The following SLF2 variants were observed in gnomAD, a reference collection of about 807,000 sequenced individuals.
SLF2 encodes SMC5/6 complex localization factor 2, also known as SMC5-SMC6 complex localization factor protein 2.
SLF2 carries 68 observed loss-of-function variants against 124.3 expected under a neutral mutation model. The ratio of observed to expected loss-of-function variants is 0.55; its 90% CI spans 0.45 to 0.67. SLF2 has a LOEUF of 0.67. SLF2 is among the 30% of genes least tolerant of loss of function. The pLI is 0.00. For missense variants in SLF2, 1,246 were observed against 1,373.7 expected (o/e 0.91, Z 1.47); for synonymous variants, 480 against 478.8 (o/e 1.00, Z -0.03).
In SLF2 at chr10:100,917,066, G is replaced by A. The variant is rs778393400; in HGVS notation, c.681G>A (p.Pro227=). The A allele has an allele frequency of 5.1e-5, 82 of 1,613,972 alleles. No individual in the cohort carries two copies. Among genetic ancestry groups the A allele is most frequent in the Middle Eastern group, 1.6e-4 (1 of 6,084 alleles). ...SSRSSLSRHH[P]EESPLGAKFQ... Reference sequence around the variant, plus strand: ...GGAGCAGCCTGTCCAGGCACCACCCGGAAGAAAGCCCACTGGGAGCTAAAT... The same window carrying A: ...GGAGCAGCCTGTCCAGGCACCACCCAGAAGAAAGCCCACTGGGAGCTAAAT... The change falls in exon 3 of 20, where the codon CCG becomes CCA. Residue 227 remains proline, a synonymous_variant. Coordinates refer to ENST00000238961, the MANE Select transcript of SLF2 (RefSeq NM_018121.4).
In SLF2 at chr10:100,961,922, C is replaced by A. The variant is rs770967265; in HGVS notation, c.*10C>A. 6.2e-7 allele frequency: 1 copy of A among 1,603,238 alleles called. No homozygotes were observed. The highest frequency in any genetic ancestry group is 8.5e-7 in the Non-Finnish European group (1 of 1,172,454). On this transcript the variant is annotated 3_prime_UTR_variant, in exon 20 of 20. Transcript: ENST00000238961. ...GGTACCAGATTCTTAATAGGAGTTG[C>A]AGCAGCAAAAATATGAACCAAGAGA...
intron 8 of SLF2, 146 bp from the exon 9 acceptor site, chr10:100,930,830 A>C: frequency 3.3e-6 from 2 of 607,918 alleles, no homozygotes; most frequent in South Asian, 2.1e-5. Context: ...TGAGTAACTC[A>C]TCCATATTGG....
intron 11 of SLF2, 119 bp from the exon 12 acceptor site, chr10:100,943,896 GTACATTCCTTT>G: frequency 1.7e-6 from 1 of 574,166 alleles, no homozygotes. Flanking sequence ...CTTAAAATGG[GTACATTCCTTT>G]TATTGTATGT....
intron 1 of SLF2, 102 bp downstream of exon 1, chr10:100,913,352 G>A (rs1446770905): frequency 7.3e-7 from 1 of 1,377,406 alleles, no homozygotes; most frequent in Non-Finnish European, 9.4e-7. Flanking sequence ...TCCTCCGCGA[G>A]CTCAGGCGTT....
intron 6 of SLF2, among the ~76,000 whole-genome samples, chr10:100,927,066 G>A (rs1255160639): frequency 7.1e-6 from 1 of 140,984 alleles, no homozygotes; most frequent in African/African-American, 2.5e-5. Context: ...CGAAAGCATG[G>A]GTAGAATTTT....
rs1178478289 is a variant in SLF2, at chr10:100,923,911, T to C, written c.974-64T>C. On this transcript the variant is annotated intron_variant, in intron 4 of 19. Transcript: ENST00000238961. ...CCTTTCATTAGGGTGTTCTAGACAC[T>C]GAATAAACTTTACTAAAGTTGGAAA... 18 of 1,321,400 alleles carry C rather than the reference T, an allele frequency of 1.4e-5. No individual in the cohort carries two copies. The Admixed American group carries it at 5.3e-4, about 39-fold the overall frequency. 81.9% of individuals were successfully genotyped at this position (1,321,400 alleles called of 1,614,324 possible).
At chr10:100,934,437 T>TAACA (rs1476747750) in intron 9 of SLF2, among the ~76,000 whole-genome samples, 1 of 152,170 alleles carries the variant, frequency 6.6e-6, no homozygotes, top group Non-Finnish European at 1.5e-5. Context: ...GTCCTATGTG[T>TAACA]AACATGTCTG....
Position 100,915,285 on chromosome 10 carries a change from G to T in SLF2, c.141-714G>T, listed in dbSNP as rs533622008. ...TAAGGATTCTTTGATAAAAAATTAA[G>T]AATTTGAAACTAGTTGTGACAACTC... On this transcript the variant is annotated intron_variant, in intron 1 of 19. Transcript: ENST00000238961. Among the ~76,000 whole-genome samples, 3 of 152,242 alleles carry T rather than the reference G, an allele frequency of 2.0e-5. No homozygotes were observed. In the South Asian group the frequency reaches 6.2e-4, roughly 32 times the overall value.
intron 15 of SLF2, among the ~76,000 whole-genome samples, chr10:100,949,240 T>C (rs540804485): frequency 6.6e-6 from 1 of 152,346 alleles, no homozygotes; most frequent in East Asian, 1.9e-4. Flanking sequence ...TTCATTGATA[T>C]TTACTGCCTT....
chr10:100,963,719 T>C lies in SLF2; in HGVS notation c.*1807T>C, dbSNP rs2133841815. 1 of 152,730 alleles carries C rather than the reference T, an allele frequency of 6.5e-6. No homozygotes were observed. The highest frequency in any genetic ancestry group is 2.1e-4 in the South Asian group (1 of 4,832). The allele number at this position is 152,730 out of a possible 1,614,324, so 9.5% of individuals were successfully genotyped here. ...TATAAAATACTGCTTATATTGCTTG[T>C]AATTTACAGTGTGTAAATATTTTCT... On this transcript the variant is annotated 3_prime_UTR_variant, in exon 20 of 20. Transcript: ENST00000238961.
chr10:100,950,704 A>C lies in SLF2; in HGVS notation c.3281A>C (p.His1094Pro). 6.2e-7 allele frequency: 1 copy of C among 1,613,934 alleles called. No individual in the cohort carries two copies. Among genetic ancestry groups the C allele is most frequent in the Non-Finnish European group, 8.5e-7 (1 of 1,179,932 alleles). Residue 1094 changes from histidine (H) to proline (P), a missense_variant, in exon 17 of 20, where the codon CAT becomes CCT. Physicochemically the swap from His to Pro is moderately conservative, Grantham distance 77 (BLOSUM62 -2). Around this residue, in one of 3 missense-constraint regions of SLF2, gnomAD observed 535 missense variants for 632.8 expected, o/e 0.85. Coordinates refer to ENST00000238961, the MANE Select transcript of SLF2 (RefSeq NM_018121.4). ...QAYYLTYILL[H>P]LVGEVSCSHS... Reference sequence around the variant, plus strand: ...TATTACCTGACCTACATTCTTCTTCATTTAGTCGGTGAAGTTAGTTGTTCT... The same window carrying C: ...TATTACCTGACCTACATTCTTCTTCCTTTAGTCGGTGAAGTTAGTTGTTCT...
intron 18 of SLF2, 121 bp downstream of exon 18, chr10:100,956,658 C>T: frequency 1.5e-6 from 1 of 669,166 alleles, no homozygotes; most frequent in Non-Finnish European, 2.4e-6. Context: ...GGCATGGTGG[C>T]TCATGCCTGT....
intron 1 of SLF2, 151 bp downstream of exon 1, chr10:100,913,401 C>G: frequency 7.4e-7 from 1 of 1,358,550 alleles, no homozygotes; most frequent in South Asian, 1.7e-5. Context: ...CCCGCCTCCG[C>G]GCAGGGGCTA....
In SLF2 at chr10:100,938,323, A is replaced by G. The variant is rs144781742; in HGVS notation, c.2513-272A>G. On this transcript the variant is annotated intron_variant, in intron 10 of 19. Coordinates refer to ENST00000238961, the MANE Select transcript of SLF2 (RefSeq NM_018121.4). Reference sequence around the variant, plus strand: ...TGATAGTTGGGATTTTATCAGTGGTATTTCCAGCCATTTTAAAATGTGTTA... The same window carrying G: ...TGATAGTTGGGATTTTATCAGTGGTGTTTCCAGCCATTTTAAAATGTGTTA... Among the ~76,000 whole-genome samples the G allele has an allele frequency of 1.5e-4, 23 of 152,290 alleles. No homozygotes were observed. The East Asian group carries it at 4.0e-3, about 27-fold the overall frequency.
chr10:100,945,512 G>A lies in SLF2; in HGVS notation c.2934+6G>A. The A allele has an allele frequency of 6.5e-7, 1 of 1,538,910 alleles. No homozygotes were observed. The highest frequency in any genetic ancestry group is 8.7e-7 in the Non-Finnish European group (1 of 1,154,782). On this transcript the variant is annotated splice_donor_region_variant and intron_variant, in intron 13 of 19. Coordinates refer to ENST00000238961, the MANE Select transcript of SLF2 (RefSeq NM_018121.4). ...TCAGAGATTGGAACACAAAGGTAATGTTACTTAAAACTTCATTATTCATTT... is the reference window on the plus strand; with the variant it reads ...TCAGAGATTGGAACACAAAGGTAATATTACTTAAAACTTCATTATTCATTT...
At position 100,913,173 on chromosome 10, in the gene SLF2, GC is replaced by G. The variant is rs778675285; in HGVS notation, c.68del (p.Pro23ArgfsTer5). 1.2e-6 allele frequency: 2 copies of G among 1,613,326 alleles called. No individual in the cohort carries two copies. The highest frequency in any genetic ancestry group is 8.5e-7 in the Non-Finnish European group (1 of 1,179,734). On this transcript the variant is annotated frameshift_variant, in exon 1 of 20. Transcript: ENST00000238961. LOFTEE classifies it high-confidence loss of function. ...FPSSPAPGSS[P>X]PRCHLRPGST... Reference sequence around the variant, plus strand: ...CCTCATCCCCAGCCCCGGGGTCGTCGCCCCCGCGCTGCCATCTGAGACCCGG... The same window carrying G: ...CCTCATCCCCAGCCCCGGGGTCGTCGCCCCGCGCTGCCATCTGAGACCCGG...
chr10:100,948,752 G>A (rs1237096099), intron 15 of SLF2, among the ~76,000 whole-genome samples: 1 of 152,072 alleles, frequency 6.6e-6, no homozygotes, highest in Non-Finnish European at 1.5e-5. Flanking sequence ...CGGGCATGGT[G>A]GCGGACACGT....
At chr10:100,935,873 T>C (rs1849842273) in intron 9 of SLF2, among the ~76,000 whole-genome samples, 1 of 142,780 alleles carries the variant, frequency 7.0e-6, no homozygotes, top group Non-Finnish European at 1.5e-5. Context: ...TTTTTTTTTT[T>C]TTTGAGACAG....
intron 17 of SLF2, among the ~76,000 whole-genome samples, chr10:100,953,899 G>A (rs1850273863): frequency 6.6e-6 from 1 of 151,650 alleles, no homozygotes; most frequent in Non-Finnish European, 1.5e-5. Context: ...TGATCCACCC[G>A]CCTCAGCCTC....
Sources: gnomAD v4.1 joint callset for allele counts (sites outside exome capture counted in the v4.1 genomes callset) on GRCh38, gnomAD v4.1.1 for gene constraint, gnomAD v4.1.1 regional missense constraint, MANE v1.5 for transcripts, NCBI Gene and HGNC (gene_info 2026-07-23, HGNC 2026-07-21) for gene names.